CARMIL1: variants seen among roughly 807,000 people sequenced by gnomAD.
CARMIL1 encodes the protein capping protein regulator and myosin 1 linker 1, also known as F-actin-uncapping protein LRRC16A.
CARMIL1 carries 90 observed loss-of-function variants against 177.1 expected under a neutral mutation model. The observed-to-expected ratio is 0.51, with a 90% CI of 0.43 to 0.61. The LOEUF is 0.61. Ranked by LOEUF, CARMIL1 falls within the 20% of genes least tolerant of loss-of-function variation. The pLI, the probability that CARMIL1 is intolerant of heterozygous loss-of-function variation, is 0.00. For synonymous variants in CARMIL1, 577 were observed against 606.2 expected, an observed-to-expected ratio of 0.95 and a Z score of 0.71; for missense variants, 1,380 against 1,667.0, an observed-to-expected ratio of 0.83 and a Z score of 3.00.
At chr6:25,498,221 T>C (rs1036562297) in intron 16 of CARMIL1, among the ~76,000 whole-genome samples, 4 of 152,204 alleles carry the variant, frequency 2.6e-5, no homozygotes, top group Non-Finnish European at 4.4e-5. Flanking sequence ...CCTGAAATTA[T>C]AACTAGTGCC....
chr6:25,615,929 G>A (rs1562346135), intron 36 of CARMIL1, among the ~76,000 whole-genome samples: 1 of 152,130 alleles, frequency 6.6e-6, no homozygotes. Flanking sequence ...TATATGCAAT[G>A]TCAAATCATC....
At chr6:25,615,021 C>T (rs1459738781) in intron 36 of CARMIL1, among the ~76,000 whole-genome samples, 2 of 152,198 alleles carry the variant, frequency 1.3e-5, no homozygotes, top group African/African-American at 4.8e-5. Flanking sequence ...GTAATTTTTA[C>T]AGGATCTTCA....
rs539734190 is a variant in CARMIL1, at chr6:25,554,499, A to C, written c.2592+403A>C. Among the ~76,000 whole-genome samples, 2 of 152,348 alleles carry C rather than the reference A, an allele frequency of 1.3e-5. No homozygotes were observed. The highest frequency in any genetic ancestry group is 4.8e-5 in the African/African-American group (2 of 41,590). ...AGAAAATAAAAATATTTGAATAAAG[A>C]AAGTGCAAGAACAAAATGGGCATAA... On this transcript the variant is annotated intron_variant, in intron 28 of 36. Transcript: ENST00000329474. This position sits in a 1 kb window ranked among gnomAD's most constrained non-coding sequence, Gnocchi z 4.6.
chr6:25,532,239 A>G (rs1214741610), intron 24 of CARMIL1, among the ~76,000 whole-genome samples: 1 of 151,790 alleles, frequency 6.6e-6, no homozygotes, highest in Non-Finnish European at 1.5e-5. Flanking sequence ...TTAATACAAC[A>G]TCTTTCCAAC....
chr6:25,286,758 A>T (rs1781553094), intron 2 of CARMIL1, among the ~76,000 whole-genome samples: 1 of 152,228 alleles, frequency 6.6e-6, no homozygotes, highest in Non-Finnish European at 1.5e-5. Flanking sequence ...AATTATTATT[A>T]TGCTAAGAAC....
At chr6:25,408,375 G>A (rs183277823) in intron 2 of CARMIL1, among the ~76,000 whole-genome samples, 1 of 151,200 alleles carries the variant, frequency 6.6e-6, no homozygotes, top group East Asian at 2.0e-4. Context: ...ATAATCTCAA[G>A]CAGTAACTAA....
chr6:25,398,811 G>T (rs989229057), intron 2 of CARMIL1, among the ~76,000 whole-genome samples: 1 of 152,206 alleles, frequency 6.6e-6, no homozygotes, highest in Non-Finnish European at 1.5e-5. Flanking sequence ...AGAAGCATTA[G>T]CAAGGAGAGG....
At chr6:25,325,853 A>G (rs1459763085) in intron 2 of CARMIL1, among the ~76,000 whole-genome samples, 1 of 151,890 alleles carries the variant, frequency 6.6e-6, no homozygotes, top group African/African-American at 2.4e-5. Context: ...TGGGGTGGGG[A>G]GCTGTGTAGG....
intron 2 of CARMIL1, among the ~76,000 whole-genome samples, chr6:25,343,462 T>G (rs1303447192): frequency 6.6e-6 from 1 of 152,084 alleles, no homozygotes; most frequent in Non-Finnish European, 1.5e-5. Flanking sequence ...ATCCCTGTGA[T>G]GCTACTCCTG....
At chr6:25,390,449 G>A (rs1792690279) in intron 2 of CARMIL1, among the ~76,000 whole-genome samples, 1 of 149,552 alleles carries the variant, frequency 6.7e-6, no homozygotes, top group African/African-American at 2.5e-5. Context: ...AGCCTCCCAA[G>A]TAGCTACAAC....
intron 5 of CARMIL1, among the ~76,000 whole-genome samples, chr6:25,441,331 A>ATGTGTGTGTGTG (rs1296177997): frequency 2.1e-4 from 9 of 43,218 alleles, no homozygotes; most frequent in African/African-American, 6.7e-4. Flanking sequence ...ATATATATAT[A>ATGTGTGTGTGTG]TATATATGTG....
intron 2 of CARMIL1, among the ~76,000 whole-genome samples, chr6:25,417,284 C>G (rs1054630468): frequency 6.6e-6 from 1 of 152,108 alleles, no homozygotes; most frequent in Admixed American, 6.6e-5. Context: ...TTTTATCTCC[C>G]TTTCCAAATT....
chr6:25,500,491 G>A (rs1804203218), intron 17 of CARMIL1, among the ~76,000 whole-genome samples: 1 of 152,150 alleles, frequency 6.6e-6, no homozygotes, highest in Non-Finnish European at 1.5e-5. Flanking sequence ...TGCTGGCTGA[G>A]TATTTTATGA....
chr6:25,613,022 GT>G (rs1007953260), intron 36 of CARMIL1: 3 of 445,182 alleles, frequency 6.7e-6, no homozygotes, highest in African/African-American at 6.4e-5. Context: ...TTTTGGTTTT[GT>G]TTTTTTCTAA....
rs535022491 is a variant in CARMIL1 at position 25,554,677 on chromosome 6, A to G, written c.2592+581A>G. The stretch of plus-strand genomic sequence containing the variant: ...TATGAAAAAATGTATCAGAAACTCA[A>G]TGTTGCGCAAACTTCAGGAAGTTCT... On this transcript the variant is annotated intron_variant, in intron 28 of 36. Coordinates refer to ENST00000329474, the MANE Select transcript of CARMIL1 (RefSeq NM_017640.6). This position sits in a 1 kb window ranked among gnomAD's most constrained non-coding sequence, Gnocchi z 4.6. 6.6e-6 allele frequency among the ~76,000 whole-genome samples: 1 copy of G among 152,134 alleles called. No homozygotes were observed. The highest frequency in any genetic ancestry group is 2.4e-5 in the African/African-American group (1 of 41,522).
intron 2 of CARMIL1, among the ~76,000 whole-genome samples, chr6:25,332,384 A>G (rs1785718951): frequency 6.6e-6 from 1 of 152,192 alleles, no homozygotes; most frequent in Admixed American, 6.5e-5. Flanking sequence ...GTGCTCATCC[A>G]GGTATGAGAT....
chr6:25,304,345 T>C (rs116314980), intron 2 of CARMIL1, among the ~76,000 whole-genome samples: 4,254 of 152,270 alleles, frequency 0.028, 73 homozygotes, highest in Non-Finnish European at 0.038. Context: ...TTGCTTGCCC[T>C]CTTAACTAGG....
intron 3 of CARMIL1, 111 bp downstream of exon 3, chr6:25,420,275 A>G (rs1795737130): frequency 2.1e-6 from 2 of 949,082 alleles, no homozygotes; most frequent in East Asian, 4.8e-5. Flanking sequence ...CATATACTGC[A>G]ACACAACACA....
intron 26 of CARMIL1, among the ~76,000 whole-genome samples, chr6:25,549,710 A>G (rs943915474): frequency 3.3e-5 from 5 of 152,234 alleles, no homozygotes; most frequent in Admixed American, 3.3e-4. Flanking sequence ...ATATGTGAGC[A>G]GATAGACCAC....
Sources: gnomAD v4.1 joint callset for allele counts (sites outside exome capture counted in the v4.1 genomes callset) on GRCh38, gnomAD v4.1.1 for gene constraint, Gnocchi (gnomAD v3.1) non-coding constraint, MANE v1.5 for transcripts, NCBI Gene and HGNC (gene_info 2026-07-23, HGNC 2026-07-21) for gene names.